The following TIAM1 variants were observed in gnomAD, a reference collection of about 807,000 sequenced individuals.
TIAM1 encodes the protein TIAM Rac1 associated GEF 1, also known as rho guanine nucleotide exchange factor TIAM1.
Under a neutral mutation model 163.5 loss-of-function variants are expected in TIAM1, and 65 were observed. That is an observed-to-expected ratio of 0.40 (90% CI 0.33 to 0.49). The LOEUF (loss-of-function observed/expected upper bound fraction) is 0.49, where lower values mean the gene tolerates loss of function less well. TIAM1 is among the 20% of genes least tolerant of loss of function. TIAM1 has a pLI of 0.77. For missense variants in TIAM1, 1,789 were observed against 2,044.7 expected, an observed-to-expected ratio of 0.87 and a Z score of 2.41; for synonymous variants, 833 against 810.1, an observed-to-expected ratio of 1.03 and a Z score of -0.48.
At chr21:31,532,571 C>T (rs1363250468) in intron 1 of TIAM1, among the ~76,000 whole-genome samples, 1 of 152,196 alleles carries the variant, frequency 6.6e-6, no homozygotes, top group Non-Finnish European at 1.5e-5. Flanking sequence ...AATGTGCCTA[C>T]ATTAATTTTG....
chr21:31,442,066 A>AAAAAAAAAAAAATAT (rs1202451553), intron 2 of TIAM1, among the ~76,000 whole-genome samples: 1 of 18,786 alleles, frequency 5.3e-5, no homozygotes, highest in African/African-American at 2.4e-4. Flanking sequence ...AGAACAAATA[A>AAAAAAAAAAAAATAT]ATAAATATAT....
intron 2 of TIAM1, among the ~76,000 whole-genome samples, chr21:31,461,335 A>C (rs571154574): frequency 6.6e-6 from 1 of 152,174 alleles, no homozygotes; most frequent in African/African-American, 2.4e-5. Flanking sequence ...AATGCAAAAA[A>C]TTAGCTGGGC....
chr21:31,153,219 G>A lies in TIAM1; in HGVS notation c.3172-85C>T, dbSNP rs544436726. 6.8e-5 allele frequency: 77 copies of A among 1,124,288 alleles called. No homozygotes were observed. In the African/African-American group the frequency reaches 1.0e-3, roughly 15 times the overall value. 69.6% of individuals were successfully genotyped at this position (1,124,288 alleles called of 1,614,324 possible). On this transcript the variant is annotated intron_variant, in intron 17 of 27. Coordinates refer to ENST00000541036, the MANE Select transcript of TIAM1 (RefSeq NM_001353694.2). ...CTTAAAGTATAAAGCATATGTTAAT[G>A]TCTATAAAAGGATCTAGAAGAGAAC...
intron 2 of TIAM1, among the ~76,000 whole-genome samples, chr21:31,319,245 G>A (rs2075225957): frequency 2.0e-5 from 3 of 151,864 alleles, no homozygotes; most frequent in African/African-American, 7.3e-5. Flanking sequence ...AAAAATACAT[G>A]TTCCAAAGCT....
chr21:31,185,042 C>T (rs2833328), intron 14 of TIAM1, among the ~76,000 whole-genome samples: 29,387 of 152,052 alleles, frequency 0.19, 4,296 homozygotes, highest in East Asian at 0.39. Context: ...ACTCAATTTC[C>T]CTTCTCTGCT....
chr21:31,533,433 T>A (rs1436547589), intron 1 of TIAM1, among the ~76,000 whole-genome samples: 4 of 152,218 alleles, frequency 2.6e-5, no homozygotes, highest in Admixed American at 2.6e-4. Context: ...ACGGATACTA[T>A]CATTTCAACA....
chr21:31,436,496 G>C (rs1056677850), intron 2 of TIAM1, among the ~76,000 whole-genome samples: 2 of 151,960 alleles, frequency 1.3e-5, no homozygotes, highest in Non-Finnish European at 2.9e-5. Flanking sequence ...GCATGGTTAC[G>C]CATGCCTGTA....
chr21:31,448,808 T>C (rs911147701), intron 2 of TIAM1, among the ~76,000 whole-genome samples: 2 of 152,094 alleles, frequency 1.3e-5, no homozygotes, highest in Non-Finnish European at 2.9e-5. Flanking sequence ...CCTCAAATTA[T>C]AGGCATGGGT....
chr21:31,438,336 C>T (rs56933667), intron 2 of TIAM1, among the ~76,000 whole-genome samples: 42,245 of 151,314 alleles, frequency 0.28, 6,753 homozygotes, highest in Non-Finnish European at 0.35. Flanking sequence ...GGATTACAGG[C>T]GCCTGCCACC....
chr21:31,392,639 C>T (rs1271716720), intron 2 of TIAM1, among the ~76,000 whole-genome samples: 1 of 151,636 alleles, frequency 6.6e-6, no homozygotes, highest in African/African-American at 2.4e-5. Context: ...TCATTTGTCC[C>T]CTCCAAATCC....
intron 16 of TIAM1, among the ~76,000 whole-genome samples, chr21:31,155,781 G>T (rs539117496): frequency 6.6e-6 from 1 of 152,172 alleles, no homozygotes. Flanking sequence ...GATTACAGGC[G>T]TGAGCCACCG....
intron 2 of TIAM1, among the ~76,000 whole-genome samples, chr21:31,419,258 G>A (rs527971381): frequency 3.3e-5 from 5 of 152,318 alleles, no homozygotes; most frequent in East Asian, 1.9e-4. Flanking sequence ...ACATGAATGC[G>A]TGAGAAATTC....
At chr21:31,493,976 G>A (rs946873023) in intron 1 of TIAM1, among the ~76,000 whole-genome samples, 7 of 152,080 alleles carry the variant, frequency 4.6e-5, no homozygotes, top group Non-Finnish European at 8.8e-5. Flanking sequence ...GTACAGTGGC[G>A]CAATCTCAGC....
At chr21:31,503,957 TG>T (rs1358813137) in intron 1 of TIAM1, among the ~76,000 whole-genome samples, 1 of 152,066 alleles carries the variant, frequency 6.6e-6, no homozygotes, top group African/African-American at 2.4e-5. Flanking sequence ...ATGGAAGAGT[TG>T]GGATCAGCCC....
chr21:31,213,421 C>T lies in TIAM1; in HGVS notation c.2194G>A (p.Asp732Asn), dbSNP rs778319863. 19 of 1,610,772 alleles carry T rather than the reference C, an allele frequency of 1.2e-5. No individual in the cohort carries two copies. The highest frequency in any genetic ancestry group is 1.6e-5 in the Non-Finnish European group (19 of 1,179,456). Residue 732 changes from aspartate to asparagine, a missense_variant, in exon 10 of 28, where the codon GAT becomes AAT. Physicochemically the swap from Asp to Asn is conservative, Grantham distance 23. Coordinates refer to ENST00000541036, the MANE Select transcript of TIAM1 (RefSeq NM_001353694.2). ...ACCTTGCCATCTGGAACAATGTCAT[C>T]AAATATTCCCTCTAAAGATTTCTTT... ...AVKKSLEGIF[D>N]DIVPDGKREK...
At chr21:31,515,424 C>A (rs1390362364) in intron 1 of TIAM1, among the ~76,000 whole-genome samples, 1 of 152,128 alleles carries the variant, frequency 6.6e-6, no homozygotes, top group Non-Finnish European at 1.5e-5. Flanking sequence ...CTTTCACAAG[C>A]CCTCCGGGGG....
rs554084995 is a variant in TIAM1, at chr21:31,444,495, G to A, written c.-369+19488C>T. Among the ~76,000 whole-genome samples the A allele has an allele frequency of 6.6e-5, 10 of 151,224 alleles. No individual in the cohort carries two copies. In the South Asian group the frequency reaches 2.1e-3, roughly 32 times the overall value. On this transcript the variant is annotated intron_variant, in intron 2 of 28. Coordinates refer to the TIAM1 transcript ENST00000286827. ...ATGTTTGTGCTCTGGGACTTTACTA[G>A]AAAAAAATGAGGGATAGATGACTAA...
At chr21:31,501,792 G>A (rs944140773) in intron 1 of TIAM1, among the ~76,000 whole-genome samples, 1 of 152,098 alleles carries the variant, frequency 6.6e-6, no homozygotes, top group Non-Finnish European at 1.5e-5. Flanking sequence ...TAGTAGAGAC[G>A]GAGTTTCACC....
chr21:31,161,839 C>T (rs979345915), intron 16 of TIAM1, among the ~76,000 whole-genome samples: 2 of 152,200 alleles, frequency 1.3e-5, no homozygotes, highest in African/African-American at 4.8e-5. Context: ...AGCTTATTCT[C>T]AAGAAAAGCT....
Sources: allele counts gnomAD v4.1 joint callset (sites outside exome capture counted in the v4.1 genomes callset), GRCh38; gene constraint gnomAD v4.1.1; transcripts MANE v1.5; gene names NCBI Gene and HGNC (gene_info 2026-07-23, HGNC 2026-07-21).